The following C4orf51 variants were observed in gnomAD, a reference collection of about 807,000 sequenced individuals.
The protein encoded by C4orf51 is uncharacterized protein C4orf51.
C4orf51 carries 25 observed loss-of-function variants against 25.2 expected under a neutral mutation model. That is an observed-to-expected ratio of 0.99 (90% CI 0.72 to 1.39). The LOEUF (loss-of-function observed/expected upper bound fraction) is 1.39. C4orf51 is among the 40% of genes most tolerant of loss of function. The pLI, the probability that C4orf51 is intolerant of heterozygous loss-of-function variation, is 0.00. For missense variants in C4orf51, 252 were observed against 239.6 expected (o/e 1.05, Z -0.34); for synonymous variants, 100 against 84.5 (o/e 1.18, Z -1.01).
chr4:145,759,109 G>A (rs1274509877), downstream of C4orf51: 1 of 152,142 alleles, frequency 6.6e-6, no homozygotes, highest in African/African-American at 2.4e-5. Context: ...GTAAGAAAAT[G>A]TTCCTCCTGT....
intron 2 of C4orf51, among the ~76,000 whole-genome samples, chr4:145,722,922 G>A (rs1487933431): frequency 1.3e-5 from 2 of 152,146 alleles, no homozygotes; most frequent in Non-Finnish European, 2.9e-5. Flanking sequence ...CTGATGATCT[G>A]TCACTGTCTC....
the C4orf51 span, among the ~76,000 whole-genome samples, chr4:145,781,221 A>T: frequency 1.5e-5 from 2 of 136,418 alleles, no homozygotes; most frequent in African/African-American, 5.7e-5. Context: ...AAAAAAAGAA[A>T]AAAAAAGAAA....
rs768177864 is a variant in C4orf51, at chr4:145,732,592, TGGAGTTTGCTTAATAA to T, written c.*33_*48del. ...AAATGAAGCCACAAGGCTGGAGGCGTGGAGTTTGCTTAATAAACAACTTTGAGGTATGGGGCCCTCC... is the reference window on the plus strand; with the variant it reads ...AAATGAAGCCACAAGGCTGGAGGCGTACAACTTTGAGGTATGGGGCCCTCC... On this transcript the variant is annotated 3_prime_UTR_variant, in exon 6 of 6. Transcript: ENST00000438731. 13 of 1,499,164 alleles carry T rather than the reference TGGAGTTTGCTTAATAA, an allele frequency of 8.7e-6. No homozygotes were observed. In the African/African-American group the frequency reaches 1.7e-4, roughly 19 times the overall value. The allele number at this position is 1,499,164 out of a possible 1,614,324, so 92.9% of individuals were successfully genotyped here.
rs150221279 is a variant in C4orf51, at chr4:145,763,594, C to T, written n.167-7394C>T. 3.1e-4 allele frequency among the ~76,000 whole-genome samples: 47 copies of T among 152,246 alleles called. 1 individual carries two copies. The highest frequency in any genetic ancestry group is 1.1e-3 in the African/African-American group (46 of 41,522). On this transcript the variant is annotated intron_variant and non_coding_transcript_variant, in intron 1 of 1. Transcript: ENST00000510096. The surrounding 1 kb of genome is among the most constrained non-coding windows in gnomAD (Gnocchi z 4.6). ...GACTTTGGAGGTCCCTGAGGAAAGG[C>T]GAACTGGCAAAGCCACAACTGGCAG...
downstream of C4orf51, among the ~76,000 whole-genome samples, chr4:145,736,962 A>G (rs901543009): frequency 3.9e-5 from 6 of 152,294 alleles, no homozygotes; most frequent in Admixed American, 3.3e-4. Flanking sequence ...AGTCCTCTCT[A>G]GTTCATAAAC....
intron 2 of C4orf51, among the ~76,000 whole-genome samples, chr4:145,725,876 T>A (rs1281537175): frequency 6.6e-6 from 1 of 152,194 alleles, no homozygotes; most frequent in Admixed American, 6.5e-5. Flanking sequence ...ACCTGATAAG[T>A]TTACTTAATT....
chr4:145,788,575 T>G, the C4orf51 span, among the ~76,000 whole-genome samples: 3 of 152,258 alleles, frequency 2.0e-5, no homozygotes, highest in Non-Finnish European at 4.4e-5. Context: ...CTATAAAACC[T>G]TATTGAATAA....
At chr4:145,739,425 C>G (rs1732977842) in intron 1 of C4orf51, among the ~76,000 whole-genome samples, 2 of 152,194 alleles carry the variant, frequency 1.3e-5, no homozygotes, top group Admixed American at 1.3e-4. Flanking sequence ...ATGTGTGGCA[C>G]AGAGCGTCAA....
chr4:145,788,703 G>C, the C4orf51 span, among the ~76,000 whole-genome samples: 1 of 152,148 alleles, frequency 6.6e-6, no homozygotes, highest in African/African-American at 2.4e-5. Context: ...AAAGGACCTG[G>C]TTATTATCTT....
At chr4:145,690,330 C>T (rs191944120) in intron 1 of C4orf51, among the ~76,000 whole-genome samples, 9 of 151,772 alleles carry the variant, frequency 5.9e-5, no homozygotes, top group African/African-American at 1.5e-4. Context: ...ATGGTGAAAC[C>T]TCGTCTCTAC....
intron 1 of C4orf51, among the ~76,000 whole-genome samples, chr4:145,741,289 C>A (rs1733081714): frequency 6.6e-6 from 1 of 152,148 alleles, no homozygotes; most frequent in African/African-American, 2.4e-5. Context: ...TTTTATAACT[C>A]TTGCCACAGC....
intron 2 of C4orf51, among the ~76,000 whole-genome samples, chr4:145,719,227 T>C (rs560281780): frequency 4.6e-5 from 7 of 152,316 alleles, no homozygotes; most frequent in African/African-American, 1.7e-4. Flanking sequence ...AACCTACTTC[T>C]TTATAGGGGC....
the C4orf51 span, among the ~76,000 whole-genome samples, chr4:145,786,551 A>G: frequency 6.6e-6 from 1 of 152,178 alleles, no homozygotes; most frequent in African/African-American, 2.4e-5. Context: ...CCTCAAACTG[A>G]AATTCTGAAA....
At chr4:145,734,941 G>T (rs890428360), downstream of C4orf51, among the ~76,000 whole-genome samples, 3 of 152,160 alleles carry the variant, frequency 2.0e-5, no homozygotes, top group African/African-American at 7.2e-5. Flanking sequence ...CTTAGAGCCG[G>T]TTCAGTCTGA....
chr4:145,734,896 C>T (rs1353184064), downstream of C4orf51, among the ~76,000 whole-genome samples: 15 of 152,086 alleles, frequency 9.9e-5, no homozygotes, highest in African/African-American at 2.2e-4. Context: ...CAAGACTTCC[C>T]GGAGGCTAGA....
At chr4:145,755,776 C>T (rs889504733), downstream of C4orf51, among the ~76,000 whole-genome samples, 2 of 152,186 alleles carry the variant, frequency 1.3e-5, no homozygotes, top group Admixed American at 6.5e-5. Flanking sequence ...TTGTGTGGGA[C>T]TCTTCTATTC....
downstream of C4orf51, among the ~76,000 whole-genome samples, chr4:145,733,218 G>A (rs1299622342): frequency 6.6e-6 from 1 of 151,646 alleles, no homozygotes; most frequent in Admixed American, 6.6e-5. Flanking sequence ...CCGCCGGAGC[G>A]GCCGTCTCCT....
intron 2 of C4orf51, among the ~76,000 whole-genome samples, chr4:145,701,141 A>G (rs778429291): frequency 2.0e-5 from 3 of 152,060 alleles, no homozygotes; most frequent in Admixed American, 6.6e-5. Context: ...ACATTTTATT[A>G]CCCAATCTGC....
At chr4:145,744,975 T>A (rs948719526) in intron 1 of C4orf51, among the ~76,000 whole-genome samples, 1 of 152,242 alleles carries the variant, frequency 6.6e-6, no homozygotes, top group Non-Finnish European at 1.5e-5. Flanking sequence ...TCATTCTGAT[T>A]AATAAGATAT....
Sources: allele counts gnomAD v4.1 joint callset (sites outside exome capture counted in the v4.1 genomes callset), GRCh38; gene constraint gnomAD v4.1.1; non-coding constraint Gnocchi (gnomAD v3.1); transcripts MANE v1.5; gene names NCBI Gene and HGNC (gene_info 2026-07-23, HGNC 2026-07-21).